Variants in PPFIA2 observed in about 807,000 individuals in gnomAD.
PPFIA2 encodes PPFI scaffold protein A2.
PPFIA2 carries 46 observed loss-of-function variants against 175.5 expected under a neutral mutation model. The ratio of observed to expected loss-of-function variants is 0.26; its 90% CI spans 0.21 to 0.34. PPFIA2 has a LOEUF of 0.34. Ranked by LOEUF, PPFIA2 falls within the 10% of genes least tolerant of loss-of-function variation. The pLI, the probability that PPFIA2 is intolerant of heterozygous loss-of-function variation, is 1.00. For missense variants in PPFIA2, 1,179 were observed against 1,506.1 expected, an observed-to-expected ratio of 0.78 and a Z score of 3.60; for synonymous variants, 568 against 511.4, an observed-to-expected ratio of 1.11 and a Z score of -1.49.
intron 21 of PPFIA2, among the ~76,000 whole-genome samples, chr12:81,338,834 G>A (rs564789997): frequency 2.2e-4 from 33 of 152,114 alleles, no homozygotes; most frequent in Non-Finnish European, 3.7e-4. Flanking sequence ...ACAGTTATGC[G>A]ATTTATGAAG....
chr12:81,471,890 T>A (rs192202006), intron 4 of PPFIA2, among the ~76,000 whole-genome samples: 72 of 152,336 alleles, frequency 4.7e-4, no homozygotes, highest in Admixed American at 1.8e-3. Flanking sequence ...GTGATGAACA[T>A]GTTTATTACC....
chr12:81,336,117 G>A (rs1293278640), intron 21 of PPFIA2, among the ~76,000 whole-genome samples: 1 of 152,034 alleles, frequency 6.6e-6, no homozygotes, highest in African/African-American at 2.4e-5. Flanking sequence ...ACCCTAGTAA[G>A]AACAGAATAA....
intron 17 of PPFIA2, 66 bp from the exon 18 acceptor site, chr12:81,347,836 A>G (rs1363923701): frequency 1.9e-6 from 3 of 1,561,582 alleles, no homozygotes; most frequent in Non-Finnish European, 2.6e-6. Flanking sequence ...TGCTGCTGTA[A>G]GGATCATTGG....
chr12:81,603,725 A>T (rs2060012152), intron 4 of PPFIA2, among the ~76,000 whole-genome samples: 2 of 151,104 alleles, frequency 1.3e-5, no homozygotes, highest in Admixed American at 1.3e-4. Flanking sequence ...TGAGCCATAC[A>T]CTGTCATTTG....
At chr12:81,577,647 A>G (rs766824386) in intron 4 of PPFIA2, among the ~76,000 whole-genome samples, 1 of 151,924 alleles carries the variant, frequency 6.6e-6, no homozygotes, top group East Asian at 1.9e-4. Flanking sequence ...TTATGACAAT[A>G]AAGTATTTAG....
chr12:81,550,361 G>C (rs1448992679), intron 4 of PPFIA2, among the ~76,000 whole-genome samples: 5 of 152,114 alleles, frequency 3.3e-5, no homozygotes, highest in African/African-American at 7.2e-5. Flanking sequence ...AGGCATTCCA[G>C]ATCCAGGGAA....
At chr12:81,626,775 G>A (rs117725942) in intron 4 of PPFIA2, among the ~76,000 whole-genome samples, 2 of 152,172 alleles carry the variant, frequency 1.3e-5, no homozygotes, top group East Asian at 3.9e-4. Context: ...GATTGTTGGG[G>A]TGAGATGTTA....
chr12:81,660,414 A>G (rs1314795928), intron 4 of PPFIA2, among the ~76,000 whole-genome samples: 1 of 152,248 alleles, frequency 6.6e-6, no homozygotes, highest in Non-Finnish European at 1.5e-5. Context: ...AAGCTTCAGT[A>G]GCTGATTCGA....
intron 4 of PPFIA2, among the ~76,000 whole-genome samples, chr12:81,500,762 A>G (rs1401586464): frequency 6.6e-6 from 1 of 152,178 alleles, no homozygotes; most frequent in African/African-American, 2.4e-5. Flanking sequence ...GCTAATGACA[A>G]TCCTATCCTG....
chr12:81,752,567 C>T (rs181150929), intron 3 of PPFIA2, among the ~76,000 whole-genome samples: 157 of 152,066 alleles, frequency 1.0e-3, no homozygotes, highest in African/African-American at 3.6e-3. Context: ...TGCCTGAAAA[C>T]GAAAAGGACT....
intron 22 of PPFIA2, among the ~76,000 whole-genome samples, chr12:81,307,848 C>G (rs1038556530): frequency 2.0e-5 from 3 of 152,174 alleles, no homozygotes; most frequent in African/African-American, 7.2e-5. Context: ...CCAAATACCT[C>G]ATTCGATTTT....
rs555579226 is a variant in PPFIA2, at chr12:81,758,403, A to C, written c.-6T>G. On this transcript the variant is annotated 5_prime_UTR_variant, in exon 2 of 33. Transcript: ENST00000549396. ...AACTCAAAGACAGCTTCTGTACCTA[A>C]TGTCTGTGATTTCGGGTCCTTGCTT... 1.3e-3 allele frequency: 596 copies of C among 456,484 alleles called. 9 individuals carry two copies. Among genetic ancestry groups the C allele is most frequent in the South Asian group, 8.0e-3 (518 of 64,550 alleles). 28.3% of individuals were successfully genotyped at this position (456,484 alleles called of 1,614,324 possible).
intron 4 of PPFIA2, among the ~76,000 whole-genome samples, chr12:81,467,958 C>A (rs1393867722): frequency 6.6e-6 from 1 of 152,100 alleles, no homozygotes; most frequent in Non-Finnish European, 1.5e-5. Flanking sequence ...TGCCTTGTTC[C>A]CATATCCTGT....
intron 27 of PPFIA2, among the ~76,000 whole-genome samples, 195 bp from the exon 28 acceptor site, chr12:81,277,609 T>C (rs1382320798): frequency 6.6e-6 from 1 of 152,180 alleles, no homozygotes; most frequent in African/African-American, 2.4e-5. Context: ...TGTTTCGAAG[T>C]AATAGAAAAA....
chr12:81,441,229 TA>T lies in PPFIA2; in HGVS notation c.571-1184del, dbSNP rs572562719. Among the ~76,000 whole-genome samples the T allele has an allele frequency of 2.5e-4, 38 of 152,136 alleles. No homozygotes were observed. In the East Asian group the frequency reaches 5.6e-3, roughly 22 times the overall value. ...AACAAACAAAAAGTCAGTAATGTCCTATTAACCTAGAATCCTATTAGGAATT... is the reference window on the plus strand; with the variant it reads ...AACAAACAAAAAGTCAGTAATGTCCTTTAACCTAGAATCCTATTAGGAATT... On this transcript the variant is annotated intron_variant, in intron 6 of 32. Transcript: ENST00000549396.
intron 7 of PPFIA2, among the ~76,000 whole-genome samples, chr12:81,407,010 T>C (rs1383968102): frequency 1.3e-5 from 2 of 152,206 alleles, no homozygotes; most frequent in African/African-American, 2.4e-5. Context: ...TGATCTCTGG[T>C]ATTTGAGCAT....
intron 20 of PPFIA2, among the ~76,000 whole-genome samples, chr12:81,340,677 A>C (rs1267782119): frequency 6.6e-6 from 1 of 152,100 alleles, no homozygotes; most frequent in Admixed American, 6.6e-5. Context: ...GTCTGCTAAA[A>C]GGCACAATCA....
intron 4 of PPFIA2, among the ~76,000 whole-genome samples, chr12:81,638,378 G>GA (rs956683787): frequency 1.4e-4 from 21 of 151,592 alleles, no homozygotes; most frequent in African/African-American, 1.9e-4. Flanking sequence ...CTAGAGCTCA[G>GA]AAAAAAACCT....
chr12:81,715,409 T>A (rs2078476801), intron 3 of PPFIA2, among the ~76,000 whole-genome samples: 1 of 151,802 alleles, frequency 6.6e-6, no homozygotes, highest in African/African-American at 2.4e-5. Flanking sequence ...GTATACAGAA[T>A]AATTTATTTT....
Sources: gnomAD v4.1 joint callset for allele counts (sites outside exome capture counted in the v4.1 genomes callset) on GRCh38, gnomAD v4.1.1 for gene constraint, MANE v1.5 for transcripts, NCBI Gene and HGNC (gene_info 2026-07-23, HGNC 2026-07-21) for gene names.